The following CTNNA3 variants were observed in gnomAD, a reference collection of about 807,000 sequenced individuals.
CTNNA3 encodes the protein catenin alpha 3, also known as catenin alpha-3.
A neutral mutation model predicts 95.7 loss-of-function variants in CTNNA3; 76 were observed. The observed-to-expected ratio is 0.79, with a 90% CI of 0.66 to 0.96. The LOEUF is 0.96. CTNNA3 is among the 40% of genes least tolerant of loss of function. CTNNA3 has a pLI of 0.00. For synonymous variants in CTNNA3, 431 were observed against 374.4 expected (o/e 1.15, Z -1.74); for missense variants, 1,191 against 1,089.8 (o/e 1.09, Z -1.31).
intron 5 of CTNNA3, among the ~76,000 whole-genome samples, chr10:67,279,374 C>T (rs1839304896): frequency 6.6e-6 from 1 of 152,078 alleles, no homozygotes; most frequent in African/African-American, 2.4e-5. Flanking sequence ...TAAGGACATA[C>T]CCTTATTAAG....
intron 7 of CTNNA3, among the ~76,000 whole-genome samples, chr10:67,131,328 G>T (rs1465445617): frequency 6.6e-6 from 1 of 151,990 alleles, no homozygotes; most frequent in Non-Finnish European, 1.5e-5. Context: ...CTTGTAAAAT[G>T]GAGACAATAA....
At chr10:67,019,250 G>A (rs143413535) in intron 7 of CTNNA3, among the ~76,000 whole-genome samples, 1 of 151,774 alleles carries the variant, frequency 6.6e-6, no homozygotes, top group Non-Finnish European at 1.5e-5. Context: ...ACGTAGTCTC[G>A]CTCTGTTGCC....
intron 13 of CTNNA3, among the ~76,000 whole-genome samples, chr10:66,187,457 T>A (rs1426027066): frequency 1.3e-5 from 2 of 150,490 alleles, no homozygotes; most frequent in East Asian, 3.9e-4. Flanking sequence ...CAAGAAAAAC[T>A]AGAGAAGGCC....
intron 5 of CTNNA3, among the ~76,000 whole-genome samples, chr10:67,322,224 T>C (rs935854040): frequency 6.6e-6 from 1 of 152,332 alleles, no homozygotes. Flanking sequence ...TTTTCTTTTT[T>C]ATTTATAACT....
chr10:66,117,021 C>T (rs1035405371), intron 13 of CTNNA3, among the ~76,000 whole-genome samples: 1 of 152,096 alleles, frequency 6.6e-6, no homozygotes, highest in Non-Finnish European at 1.5e-5. Context: ...AACCATATCA[C>T]TGCATGATTC....
intron 15 of CTNNA3, among the ~76,000 whole-genome samples, chr10:66,017,331 T>C (rs1475312156): frequency 6.6e-6 from 1 of 152,098 alleles, no homozygotes; most frequent in Non-Finnish European, 1.5e-5. Flanking sequence ...GTTATTATTA[T>C]TGACTTAGCT....
intron 10 of CTNNA3, among the ~76,000 whole-genome samples, chr10:66,597,773 G>T (rs1159643807): frequency 6.6e-6 from 1 of 151,182 alleles, no homozygotes; most frequent in African/African-American, 2.4e-5. Flanking sequence ...ACTTTACTTG[G>T]AAAAGCTGTC....
At chr10:66,919,293 G>C (rs1846669363) in intron 7 of CTNNA3, among the ~76,000 whole-genome samples, 1 of 152,004 alleles carries the variant, frequency 6.6e-6, no homozygotes, top group Admixed American at 6.6e-5. Flanking sequence ...TATTATACTA[G>C]CCTCTCAACT....
intron 12 of CTNNA3, among the ~76,000 whole-genome samples, chr10:66,325,711 C>CAACAAA (rs201758557): frequency 0.06 from 9,186 of 152,058 alleles, 438 homozygotes; most frequent in East Asian, 0.11. Flanking sequence ...TGTTTAGCCA[C>CAACAAA]AAGAACTACC....
intron 7 of CTNNA3, among the ~76,000 whole-genome samples, chr10:67,126,816 C>G (rs1454287335): frequency 6.6e-6 from 1 of 152,186 alleles, no homozygotes; most frequent in Non-Finnish European, 1.5e-5. Flanking sequence ...AACAATGAGA[C>G]ACTCTGAGCC....
chr10:66,132,506 T>A (rs2083159378), intron 13 of CTNNA3, among the ~76,000 whole-genome samples: 1 of 152,146 alleles, frequency 6.6e-6, no homozygotes, highest in Non-Finnish European at 1.5e-5. Context: ...CTCAAAGATC[T>A]CAAAACAGAA....
chr10:67,595,552 G>T (rs1842912530), intron 3 of CTNNA3, among the ~76,000 whole-genome samples: 1 of 152,088 alleles, frequency 6.6e-6, no homozygotes, highest in African/African-American at 2.4e-5. Flanking sequence ...CTTTATAGCT[G>T]AGCATTTGGT....
chr10:66,370,033 T>C (rs1016122772), intron 12 of CTNNA3, among the ~76,000 whole-genome samples: 1 of 152,062 alleles, frequency 6.6e-6, no homozygotes, highest in Non-Finnish European at 1.5e-5. Flanking sequence ...CCTGCACCAA[T>C]TACTTACCAC....
intron 7 of CTNNA3, among the ~76,000 whole-genome samples, chr10:66,855,692 A>G (rs1206798890): frequency 3.9e-5 from 6 of 152,044 alleles, no homozygotes; most frequent in African/African-American, 1.2e-4. Flanking sequence ...CCATGTAGCA[A>G]TAATTAAAAT....
chr10:67,637,995 T>C (rs1308408323), intron 2 of CTNNA3, among the ~76,000 whole-genome samples: 1 of 152,098 alleles, frequency 6.6e-6, no homozygotes, highest in Non-Finnish European at 1.5e-5. Context: ...AATGACAGGA[T>C]CAAATTCACA....
chr10:67,442,175 T>C (rs1241463022), intron 5 of CTNNA3, among the ~76,000 whole-genome samples: 2 of 152,064 alleles, frequency 1.3e-5, no homozygotes, highest in Non-Finnish European at 2.9e-5. Context: ...GGTTATAAGA[T>C]AGTATTTGCA....
upstream of CTNNA3, among the ~76,000 whole-genome samples, chr10:67,700,645 C>T (rs1427713366): frequency 6.6e-6 from 1 of 152,038 alleles, no homozygotes; most frequent in Non-Finnish European, 1.5e-5. Flanking sequence ...TCATCAAACA[C>T]CAAAAGTAGA....
At chr10:66,390,464 G>A (rs142818015) in intron 11 of CTNNA3, among the ~76,000 whole-genome samples, 1 of 152,022 alleles carries the variant, frequency 6.6e-6, no homozygotes, top group Non-Finnish European at 1.5e-5. Flanking sequence ...ATGCAAAATC[G>A]ATTGAATTTT....
chr10:66,993,732 T>C (rs574516761), intron 7 of CTNNA3, among the ~76,000 whole-genome samples: 1 of 151,868 alleles, frequency 6.6e-6, no homozygotes, highest in Non-Finnish European at 1.5e-5. Context: ...CCATCTTTCA[T>C]TGAGCCTGTA....
Sources: allele counts gnomAD v4.1 joint callset (sites outside exome capture counted in the v4.1 genomes callset), GRCh38; gene constraint gnomAD v4.1.1; transcripts MANE v1.5; gene names NCBI Gene and HGNC (gene_info 2026-07-23, HGNC 2026-07-21).